Variants in CTDSPL observed in about 807,000 individuals in gnomAD.
CTDSPL encodes the protein CTD small phosphatase like.
CTDSPL carries 8 observed loss-of-function variants against 30.5 expected under a neutral mutation model. The ratio of observed to expected loss-of-function variants is 0.26; its 90% CI spans 0.15 to 0.47. The LOEUF is 0.47. CTDSPL is among the 20% of genes least tolerant of loss of function. CTDSPL has a pLI of 0.99. For missense variants in CTDSPL, 248 were observed against 366.1 expected (o/e 0.68, Z 2.63); for synonymous variants, 110 against 137.9 (o/e 0.80, Z 1.42).
intron 6 of CTDSPL, among the ~76,000 whole-genome samples, chr3:37,974,103 A>C (rs551859744): frequency 6.6e-6 from 1 of 152,348 alleles, no homozygotes; most frequent in Admixed American, 6.5e-5. Flanking sequence ...TGTGTGGCCC[A>C]AGACAATTCT....
intron 3 of CTDSPL, 22 bp from the exon 4 acceptor site, chr3:37,964,549 C>A: frequency 2.6e-6 from 4 of 1,521,590 alleles, no homozygotes; most frequent in Non-Finnish European, 3.6e-6. Context: ...AAATGTAATA[C>A]TGATTTATTT....
chr3:37,936,388 CTG>C (rs920063805), intron 1 of CTDSPL, among the ~76,000 whole-genome samples: 8 of 152,136 alleles, frequency 5.3e-5, no homozygotes, highest in African/African-American at 1.7e-4. Flanking sequence ...CTTTTGAACT[CTG>C]TGCGGTTTGT....
Position 37,981,879 on chromosome 3 carries a change from C to T in CTDSPL, c.*1012C>T. 2 of 457,288 alleles carry T rather than the reference C, an allele frequency of 4.4e-6. No homozygotes were observed. Among genetic ancestry groups the T allele is most frequent in the Non-Finnish European group, 8.8e-6 (2 of 227,096 alleles). The allele number at this position is 457,288 out of a possible 1,614,324, so 28.3% of individuals were successfully genotyped here. A position where few individuals can be genotyped will look rare whatever the true frequency, so the allele number is the denominator to read the frequency against. On this transcript the variant is annotated 3_prime_UTR_variant, in exon 8 of 8. Transcript: ENST00000273179. ...TTCCTTGCTGCTACCGCGCTGCCAC[C>T]AAATGGAATTGACCAGCGGCTGTTA...
At chr3:37,906,953 A>G (rs1698522780) in intron 1 of CTDSPL, among the ~76,000 whole-genome samples, 1 of 152,224 alleles carries the variant, frequency 6.6e-6, no homozygotes, top group Non-Finnish European at 1.5e-5. Context: ...TGTTGAATGT[A>G]AAATGCAGGA....
At chr3:37,970,189 G>A (rs1575323427) in intron 5 of CTDSPL, among the ~76,000 whole-genome samples, 1 of 152,166 alleles carries the variant, frequency 6.6e-6, no homozygotes, top group East Asian at 1.9e-4. Context: ...CTGCCTGAAA[G>A]CCCACTTCTT....
intron 1 of CTDSPL, among the ~76,000 whole-genome samples, chr3:37,917,511 T>C (rs1401733250): frequency 6.6e-6 from 1 of 152,246 alleles, no homozygotes; most frequent in Admixed American, 6.5e-5. Context: ...TATCCCAATA[T>C]AGATGAATAA....
intron 1 of CTDSPL, among the ~76,000 whole-genome samples, chr3:37,881,905 A>G (rs1449527026): frequency 6.6e-6 from 1 of 152,218 alleles, no homozygotes; most frequent in African/African-American, 2.4e-5. Context: ...TTTGCTTTTT[A>G]TGAACTGTTT....
rs558285352 is a variant in CTDSPL, at chr3:37,916,834, C to G, written c.80-30223C>G. Among the ~76,000 whole-genome samples, 393 of 152,248 alleles carry G rather than the reference C, an allele frequency of 2.6e-3. 5 individuals are homozygous for G. Among genetic ancestry groups the G allele is most frequent in the Non-Finnish European group, 7.2e-4 (49 of 68,002 alleles). ...ATCCCCTTGTTTGTTCTGCACAACC[C>G]TCCTGGCAGGGAAGCAGGAGGACAG... On this transcript the variant is annotated intron_variant, in intron 1 of 7. Coordinates refer to ENST00000273179, the MANE Select transcript of CTDSPL (RefSeq NM_001008392.2).
At chr3:37,967,747 G>T in intron 4 of CTDSPL, 79 bp from the exon 5 acceptor site, 1 of 1,003,210 alleles carries the variant, frequency 1.0e-6, no homozygotes, top group East Asian at 2.5e-5. Flanking sequence ...ATTGGTCTAG[G>T]CAGGCTTTTT....
intron 1 of CTDSPL, among the ~76,000 whole-genome samples, chr3:37,907,027 C>G (rs1698523807): frequency 6.6e-6 from 1 of 152,176 alleles, no homozygotes; most frequent in Non-Finnish European, 1.5e-5. Context: ...GGGCACAGAG[C>G]CCAGTAGGGA....
At position 37,862,197 on chromosome 3, in the gene CTDSPL, C is replaced by G; in HGVS notation, c.-3C>G. 1 of 1,364,784 alleles carries G rather than the reference C, an allele frequency of 7.3e-7. No individual in the cohort carries two copies. Among genetic ancestry groups the G allele is most frequent in the Non-Finnish European group, 9.5e-7 (1 of 1,054,118 alleles). The allele number at this position is 1,364,784 out of a possible 1,614,324, so 84.5% of individuals were successfully genotyped here. A position where few individuals can be genotyped will look rare whatever the true frequency, so the allele number is the denominator to read the frequency against. Reference sequence around the variant, plus strand: ...CTGCGGGCGGCCGCCGCGCCGCGCACCCATGGACGGCCCGGCCATCATCAC... The same window carrying G: ...CTGCGGGCGGCCGCCGCGCCGCGCAGCCATGGACGGCCCGGCCATCATCAC... On this transcript the variant is annotated 5_prime_UTR_variant, in exon 1 of 8. Transcript: ENST00000273179. The surrounding 1 kb of genome is among the most constrained non-coding windows in gnomAD (Gnocchi z 4.3).
chr3:37,935,246 T>C (rs1477218194), intron 1 of CTDSPL, among the ~76,000 whole-genome samples: 3 of 152,210 alleles, frequency 2.0e-5, no homozygotes, highest in African/African-American at 7.2e-5. Context: ...CAGCAACATG[T>C]GAGTGAATGG....
chr3:37,951,236 C>T (rs889206310), intron 2 of CTDSPL, among the ~76,000 whole-genome samples: 5 of 152,146 alleles, frequency 3.3e-5, no homozygotes, highest in Non-Finnish European at 5.9e-5. Flanking sequence ...GGCATGGTGG[C>T]GGGCACCTGT....
At position 37,975,977 on chromosome 3, in the gene CTDSPL, C is replaced by A; in HGVS notation, c.705+83C>A. The A allele has an allele frequency of 2.1e-6, 3 of 1,407,464 alleles. No individual in the cohort carries two copies. Among genetic ancestry groups the A allele is most frequent in the Middle Eastern group, 1.8e-4 (1 of 5,472 alleles). 87.2% of individuals were successfully genotyped at this position (1,407,464 alleles called of 1,614,324 possible). A position where few individuals can be genotyped will look rare whatever the true frequency, so the allele number is the denominator to read the frequency against. ...GGCAGGTACCACTTTTGAGCACCTA[C>A]ACAAGAAGGTCTCTGGGCCTTTTCC... On this transcript the variant is annotated intron_variant, in intron 7 of 7. Coordinates refer to ENST00000273179, the MANE Select transcript of CTDSPL (RefSeq NM_001008392.2). The surrounding 1 kb of genome is among the most constrained non-coding windows in gnomAD (Gnocchi z 4.9).
chr3:37,894,722 G>C (rs185689105), intron 1 of CTDSPL, among the ~76,000 whole-genome samples: 1 of 152,070 alleles, frequency 6.6e-6, no homozygotes, highest in African/African-American at 2.4e-5. Flanking sequence ...TTGTCCTACA[G>C]GTCTGAGGCT....
intron 1 of CTDSPL, among the ~76,000 whole-genome samples, chr3:37,910,809 T>C (rs945268567): frequency 6.6e-6 from 1 of 152,294 alleles, no homozygotes; most frequent in African/African-American, 2.4e-5. Context: ...ATTACTCCAT[T>C]CTACAGGGTG....
At chr3:37,898,237 G>A (rs1039846833) in intron 1 of CTDSPL, among the ~76,000 whole-genome samples, 2 of 152,198 alleles carry the variant, frequency 1.3e-5, no homozygotes, top group African/African-American at 4.8e-5. Flanking sequence ...AGGTAAGGAT[G>A]TACCCCTAGG....
At position 37,921,607 on chromosome 3, in the gene CTDSPL, C is replaced by CCACACACACA. The variant is rs58395906; in HGVS notation, c.80-25422_80-25413dup. 1.4e-3 allele frequency among the ~76,000 whole-genome samples: 206 copies of CCACACACACA among 147,746 alleles called. 1 individual carries two copies. Among genetic ancestry groups the CCACACACACA allele is most frequent in the African/African-American group, 4.5e-3 (179 of 39,904 alleles). ...TCGATATAAGAAACAACCCTAACTA[C>CCACACACACA]CACACACACACACACACACACACAC... is the stretch of plus-strand genomic sequence containing the variant. On this transcript the variant is annotated intron_variant, in intron 1 of 7. Coordinates refer to ENST00000273179, the MANE Select transcript of CTDSPL (RefSeq NM_001008392.2).
intron 3 of CTDSPL, among the ~76,000 whole-genome samples, chr3:37,962,825 ATG>A (rs1422588107): frequency 6.6e-6 from 1 of 152,244 alleles, no homozygotes; most frequent in East Asian, 1.9e-4. Flanking sequence ...TACAATGAGA[ATG>A]TGTTTTATAT....
Sources: gnomAD v4.1 joint callset for allele counts (sites outside exome capture counted in the v4.1 genomes callset) on GRCh38, gnomAD v4.1.1 for gene constraint, Gnocchi (gnomAD v3.1) non-coding constraint, MANE v1.5 for transcripts, NCBI Gene and HGNC (gene_info 2026-07-23, HGNC 2026-07-21) for gene names.